SLC25A13: variants seen among roughly 807,000 people sequenced by gnomAD.
The protein encoded by SLC25A13 is solute carrier family 25 member 13, also known as electrogenic aspartate/glutamate antiporter SLC25A13, mitochondrial.
A neutral mutation model predicts 85.5 loss-of-function variants in SLC25A13; 70 were observed. The observed-to-expected ratio is 0.82, with a 90% CI of 0.68 to 1.00. SLC25A13 has a LOEUF of 1.00. Ranked by LOEUF, SLC25A13 falls within the 50% of genes least tolerant of loss-of-function variation. The probability of loss-of-function intolerance (pLI) is 0.00; values close to 1 mark genes in which losing one functional copy is unlikely to be tolerated. For missense variants in SLC25A13, 765 were observed against 819.8 expected, an observed-to-expected ratio of 0.93 and a Z score of 0.82; for synonymous variants, 259 against 288.7, an observed-to-expected ratio of 0.90 and a Z score of 1.04.
intron 4 of SLC25A13, among the ~76,000 whole-genome samples, chr7:96,229,561 C>T (rs963361163): frequency 1.3e-5 from 2 of 152,134 alleles, no homozygotes; most frequent in Admixed American, 6.5e-5. Flanking sequence ...TGCTGCTGCT[C>T]ACTCTTTGGG....
chr7:96,188,491 G>T (rs1174196883), intron 9 of SLC25A13, among the ~76,000 whole-genome samples: 4 of 152,198 alleles, frequency 2.6e-5, no homozygotes, highest in Non-Finnish European at 5.9e-5. Flanking sequence ...GCCAGAAACT[G>T]CGAAGTCTCA....
chr7:96,270,691 C>A (rs1413398144), intron 3 of SLC25A13, among the ~76,000 whole-genome samples: 1 of 152,088 alleles, frequency 6.6e-6, no homozygotes, highest in Non-Finnish European at 1.5e-5. Flanking sequence ...AGAGCAAGAC[C>A]CTTTGTCTAA....
chr7:96,258,112 A>C (rs1797710294), intron 3 of SLC25A13, among the ~76,000 whole-genome samples: 1 of 152,254 alleles, frequency 6.6e-6, no homozygotes, highest in South Asian at 2.1e-4. Flanking sequence ...AGCCAATATC[A>C]TACTAAATGG....
intron 2 of SLC25A13, among the ~76,000 whole-genome samples, chr7:96,284,460 G>C (rs1798809591): frequency 6.6e-6 from 1 of 152,136 alleles, no homozygotes; most frequent in Admixed American, 6.5e-5. Flanking sequence ...AAAAATCCAA[G>C]TGTAATTCAC....
At chr7:96,234,622 T>C (rs368136370) in intron 4 of SLC25A13, among the ~76,000 whole-genome samples, 180 bp downstream of exon 4, 2 of 152,290 alleles carry the variant, frequency 1.3e-5, no homozygotes, top group African/African-American at 4.8e-5. Flanking sequence ...AACTTGTTTT[T>C]TTCGAATAGG....
chr7:96,261,462 T>A (rs568270956), intron 3 of SLC25A13, among the ~76,000 whole-genome samples: 36 of 152,302 alleles, frequency 2.4e-4, no homozygotes, highest in African/African-American at 8.2e-4. Flanking sequence ...TCAGACTAAG[T>A]TACTCTAAAA....
Position 96,315,954 on chromosome 7 carries a change from C to CA in SLC25A13, c.15+5987dup, listed in dbSNP as rs769662773. On this transcript the variant is annotated intron_variant, in intron 1 of 17. Coordinates refer to ENST00000265631, the MANE Select transcript of SLC25A13 (RefSeq NM_014251.3). ...CGACATAGCAAGACCCCCGTCTCTA[C>CA]AAAAAAAAAAAAAATTTTAATTAGC... Among the ~76,000 whole-genome samples the CA allele has an allele frequency of 6.3e-3, 856 of 136,182 alleles. 6 individuals are homozygous for CA. The highest frequency in any genetic ancestry group is 0.011 in the African/African-American group (394 of 37,020). 89.3% of individuals were successfully genotyped at this position (136,182 alleles called of 152,430 possible). A position where few individuals can be genotyped will look rare whatever the true frequency, so the allele number is the denominator to read the frequency against.
intron 13 of SLC25A13, among the ~76,000 whole-genome samples, chr7:96,163,572 C>T (rs1039186427): frequency 5.9e-5 from 9 of 152,214 alleles, no homozygotes; most frequent in African/African-American, 2.2e-4. Flanking sequence ...AATAGATAAT[C>T]AGAACACTTC....
chr7:96,170,471 T>C (rs967977161), intron 12 of SLC25A13, among the ~76,000 whole-genome samples: 2 of 152,324 alleles, frequency 1.3e-5, no homozygotes, highest in African/African-American at 4.8e-5. Flanking sequence ...AACTGTTTTA[T>C]AAGGCTTGAT....
chr7:96,155,861 C>T (rs1162761186), intron 13 of SLC25A13, among the ~76,000 whole-genome samples: 1 of 152,152 alleles, frequency 6.6e-6, no homozygotes, highest in Non-Finnish European at 1.5e-5. Flanking sequence ...TTATTCCCAT[C>T]TTTCTAGAGA....
intron 11 of SLC25A13, among the ~76,000 whole-genome samples, chr7:96,175,143 G>A (rs1794170322): frequency 6.6e-6 from 1 of 152,198 alleles, no homozygotes; most frequent in Non-Finnish European, 1.5e-5. Flanking sequence ...TCTGCCTGCA[G>A]GAGGGGAAAA....
At chr7:96,306,734 T>C in intron 1 of SLC25A13, 1 of 1,055,270 alleles carries the variant, frequency 9.5e-7, no homozygotes, top group African/African-American at 1.6e-5. Flanking sequence ...TCTTCTCTTT[T>C]GTGCCCTTCA....
At chr7:96,249,180 A>C (rs777776857) in intron 3 of SLC25A13, among the ~76,000 whole-genome samples, 2 of 152,222 alleles carry the variant, frequency 1.3e-5, no homozygotes, top group African/African-American at 2.4e-5. Flanking sequence ...TCTGCTTACA[A>C]TATGCTGATT....
intron 3 of SLC25A13, among the ~76,000 whole-genome samples, chr7:96,244,131 G>C (rs1010599727): frequency 1.3e-5 from 2 of 152,034 alleles, no homozygotes; most frequent in African/African-American, 4.8e-5. Flanking sequence ...TAATTACGTG[G>C]GGTCTGGGGG....
intron 3 of SLC25A13, among the ~76,000 whole-genome samples, chr7:96,276,836 A>T (rs1798469836): frequency 6.6e-6 from 1 of 152,234 alleles, no homozygotes; most frequent in Non-Finnish European, 1.5e-5. Flanking sequence ...ATAGAAAAGT[A>T]ACGTTCATAG....
At chr7:96,207,944 A>G (rs980446474) in intron 5 of SLC25A13, among the ~76,000 whole-genome samples, 6 of 152,094 alleles carry the variant, frequency 3.9e-5, no homozygotes, top group Non-Finnish European at 7.4e-5. Context: ...CCACCCAAGA[A>G]GCTTTAAATA....
intron 5 of SLC25A13, among the ~76,000 whole-genome samples, chr7:96,201,395 C>T (rs1397348045): frequency 6.6e-6 from 1 of 151,694 alleles, no homozygotes; most frequent in Non-Finnish European, 1.5e-5. Flanking sequence ...GCCTGTAATC[C>T]CACCTACTCC....
At position 96,193,088 on chromosome 7, in the gene SLC25A13, G is replaced by A; in HGVS notation, c.564C>T (p.Val188=). ...VTAIDFRDIM[V]TIRPHVLTPF... Reference sequence around the variant, plus strand: ...GAGTCAAGACATGGGGGCGGATGGTGACCATGATGTCTCGGAAGTCGATGG... The same window carrying A: ...GAGTCAAGACATGGGGGCGGATGGTAACCATGATGTCTCGGAAGTCGATGG... Residue 188 remains valine (V), a synonymous_variant, in exon 6 of 18, where the codon GTC becomes GTT. Coordinates refer to ENST00000265631, the MANE Select transcript of SLC25A13 (RefSeq NM_014251.3). The A allele has an allele frequency of 6.2e-7, 1 of 1,614,054 alleles. No homozygotes were observed. The highest frequency in any genetic ancestry group is 1.7e-5 in the Admixed American group (1 of 60,010).
chr7:96,230,781 C>T (rs936011543), intron 4 of SLC25A13, among the ~76,000 whole-genome samples: 32 of 152,296 alleles, frequency 2.1e-4, no homozygotes, highest in African/African-American at 6.0e-4. Context: ...CCCTTCCTTA[C>T]GCCATATACA....
Sources: allele counts gnomAD v4.1 joint callset (sites outside exome capture counted in the v4.1 genomes callset), GRCh38; gene constraint gnomAD v4.1.1; transcripts MANE v1.5; gene names NCBI Gene and HGNC (gene_info 2026-07-23, HGNC 2026-07-21).